SATB2: variants seen among roughly 807,000 people sequenced by gnomAD.
The protein encoded by SATB2 is SATB homeobox 2, also known as DNA-binding protein SATB2.
In SATB2, 1 loss-of-function variant was observed where a neutral mutation model predicts 73.4. The observed-to-expected ratio is 0.01, with a 90% CI of 0.00 to 0.06. The LOEUF is 0.06. Ranked by LOEUF, SATB2 falls within the 10% of genes least tolerant of loss-of-function variation. SATB2 has a pLI of 1.00. For missense variants in SATB2, 459 were observed against 945.8 expected, an observed-to-expected ratio of 0.49 and a Z score of 6.75; for synonymous variants, 397 against 367.0, an observed-to-expected ratio of 1.08 and a Z score of -0.93.
intron 10 of SATB2, among the ~76,000 whole-genome samples, chr2:199,307,107 A>G (rs774577583): frequency 2.0e-5 from 3 of 152,116 alleles, no homozygotes; most frequent in Non-Finnish European, 4.4e-5. Flanking sequence ...ATGAGAAAAA[A>G]AAAAGCAGTG....
Position 199,269,993 on chromosome 2 carries a change from A to G in SATB2, c.*2218T>C, listed in dbSNP as rs1260232643. 2 of 152,752 alleles carry G rather than the reference A, an allele frequency of 1.3e-5. No individual in the cohort carries two copies. Among genetic ancestry groups the G allele is most frequent in the Non-Finnish European group, 2.9e-5 (2 of 68,034 alleles). The allele number at this position is 152,752 out of a possible 1,614,324, so 9.5% of individuals were successfully genotyped here. On this transcript the variant is annotated 3_prime_UTR_variant, in exon 11 of 11. Transcript: ENST00000417098. ...TGCGGATGCCATCGATAGATGAACC[A>G]CCTTGTAAGAGCTTGGCAAAATCAG...
At chr2:199,361,126 T>C (rs1689124406) in intron 6 of SATB2, among the ~76,000 whole-genome samples, 1 of 152,136 alleles carries the variant, frequency 6.6e-6, no homozygotes, top group Non-Finnish European at 1.5e-5. Flanking sequence ...AAAAATTTAT[T>C]CTCCATCCTG....
At chr2:199,447,102 A>C (rs1406491055) in intron 2 of SATB2, among the ~76,000 whole-genome samples, 2 of 152,110 alleles carry the variant, frequency 1.3e-5, no homozygotes, top group East Asian at 3.9e-4. Context: ...GGTGAACTCC[A>C]CCGTCACCAC....
chr2:199,381,410 G>C (rs1310300775), intron 4 of SATB2, among the ~76,000 whole-genome samples: 1 of 152,156 alleles, frequency 6.6e-6, no homozygotes, highest in African/African-American at 2.4e-5. Context: ...GCTGTGTAAA[G>C]CTACTCCTAA....
At chr2:199,283,506 C>T (rs1692594165) in intron 10 of SATB2, among the ~76,000 whole-genome samples, 1 of 150,092 alleles carries the variant, frequency 6.7e-6, no homozygotes, top group South Asian at 2.1e-4. Context: ...CATTTCCCAC[C>T]AGTGCTTTTG....
Position 199,328,145 on chromosome 2 carries a change from C to T in SATB2, c.1386+553G>A, listed in dbSNP as rs1206511239. 3.3e-5 allele frequency among the ~76,000 whole-genome samples: 5 copies of T among 152,266 alleles called. No individual in the cohort carries two copies. In the East Asian group the frequency reaches 5.8e-4, roughly 18 times the overall value. The stretch of plus-strand genomic sequence containing the variant: ...CTACCTTCCTACCCCTCACCTACCA[C>T]GTATGGAAGAATGGGACTTCCTAAA... On this transcript the variant is annotated intron_variant, in intron 8 of 10. Transcript: ENST00000417098.
chr2:199,317,372 A>C (rs2105780873), intron 9 of SATB2, among the ~76,000 whole-genome samples: 1 of 152,110 alleles, frequency 6.6e-6, no homozygotes, highest in South Asian at 2.1e-4. Flanking sequence ...CCTCTTCCCT[A>C]ACCAGCTGGG....
Position 199,308,249 on chromosome 2 carries a change from T to G in SATB2, c.1740+511A>C, listed in dbSNP as rs1001831733. ...AACCAAAGACAGCAAAAACTCATCT[T>G]AAAATTCTAAGAATCTGTCACAATC... is the stretch of plus-strand genomic sequence containing the variant. On this transcript the variant is annotated intron_variant, in intron 10 of 10. Coordinates refer to ENST00000417098, the MANE Select transcript of SATB2 (RefSeq NM_001172509.2). This position sits in a 1 kb window ranked among gnomAD's most constrained non-coding sequence, Gnocchi z 4.6. 6.6e-6 allele frequency among the ~76,000 whole-genome samples: 1 copy of G among 152,172 alleles called. No individual in the cohort carries two copies. The highest frequency in any genetic ancestry group is 1.5e-5 in the Non-Finnish European group (1 of 68,036).
intron 10 of SATB2, among the ~76,000 whole-genome samples, chr2:199,280,780 C>G (rs941365440): frequency 1.3e-5 from 2 of 152,064 alleles, no homozygotes; most frequent in Non-Finnish European, 2.9e-5. Context: ...AATGCGTGCC[C>G]AAAACTTCAT....
At chr2:199,390,989 G>A (rs780322625) in intron 3 of SATB2, among the ~76,000 whole-genome samples, 17 of 152,110 alleles carry the variant, frequency 1.1e-4, no homozygotes, top group East Asian at 1.9e-4. Context: ...GAAGGCAAAC[G>A]TATATTCATT....
In SATB2 at chr2:199,401,277, G is replaced by A. The variant is rs534028149; in HGVS notation, c.347-19457C>T. On this transcript the variant is annotated intron_variant, in intron 3 of 10. Transcript: ENST00000417098. ...AAATAATAGGATGAGGCTGGGAACG[G>A]TGGCTCACACCTGTAATACCAGCAC... 1.6e-4 allele frequency among the ~76,000 whole-genome samples: 24 copies of A among 152,216 alleles called. No individual in the cohort carries two copies. The East Asian group carries it at 4.4e-3, about 28-fold the overall frequency.
chr2:199,351,267 T>G (rs1688811424), intron 6 of SATB2, among the ~76,000 whole-genome samples: 1 of 151,792 alleles, frequency 6.6e-6, no homozygotes, highest in Non-Finnish European at 1.5e-5. Flanking sequence ...GTTCAAGTGA[T>G]TCTCCTGTCT....
chr2:199,372,212 C>T (rs1689470440), intron 5 of SATB2, among the ~76,000 whole-genome samples: 2 of 152,000 alleles, frequency 1.3e-5, no homozygotes, highest in South Asian at 2.1e-4. Flanking sequence ...GTATAGGTGT[C>T]CTTATTTGTA....
chr2:199,393,520 C>A (rs1002232175), intron 3 of SATB2, among the ~76,000 whole-genome samples: 1 of 152,142 alleles, frequency 6.6e-6, no homozygotes, highest in East Asian at 1.9e-4. Flanking sequence ...TCAACCAAAT[C>A]TTGTGGAATC....
intron 3 of SATB2, among the ~76,000 whole-genome samples, chr2:199,383,804 C>A (rs1049391853): frequency 6.6e-6 from 1 of 152,148 alleles, no homozygotes; most frequent in Non-Finnish European, 1.5e-5. Context: ...TAAGAATACA[C>A]CACACTACAG....
At position 199,269,800 on chromosome 2, in the gene SATB2, CAT is replaced by C. The variant is rs1389785570; in HGVS notation, c.*2409_*2410del. On this transcript the variant is annotated 3_prime_UTR_variant, in exon 11 of 11. Coordinates refer to ENST00000417098, the MANE Select transcript of SATB2 (RefSeq NM_001172509.2). Reference sequence around the variant, plus strand: ...ATATGACAGATATTGAATAAATAGACATATATGCATTGTAATTCGCAAAGATC... The same window carrying C: ...ATATGACAGATATTGAATAAATAGACATATGCATTGTAATTCGCAAAGATC... The C allele has an allele frequency of 2.6e-5, 4 of 151,592 alleles. No individual in the cohort carries two copies. The highest frequency in any genetic ancestry group is 7.3e-5 in the African/African-American group (3 of 41,082). 9.4% of individuals were successfully genotyped at this position (151,592 alleles called of 1,614,324 possible).
chr2:199,300,212 G>T (rs1687240738), intron 10 of SATB2, among the ~76,000 whole-genome samples: 1 of 151,818 alleles, frequency 6.6e-6, no homozygotes, highest in Non-Finnish European at 1.5e-5. Context: ...AAGGAAGGAA[G>T]CGGAAGGGGA....
chr2:199,410,538 G>A (rs750447740), intron 3 of SATB2, among the ~76,000 whole-genome samples: 11 of 152,084 alleles, frequency 7.2e-5, no homozygotes, highest in Admixed American at 1.3e-4. Context: ...TTGCTTCTTC[G>A]CAAAAAATTG....
intron 10 of SATB2, among the ~76,000 whole-genome samples, chr2:199,275,848 A>G (rs1350662396): frequency 6.6e-6 from 1 of 152,202 alleles, no homozygotes; most frequent in Non-Finnish European, 1.5e-5. Flanking sequence ...CTCTAAAGTG[A>G]AACTGTCTTA....
Sources: allele counts gnomAD v4.1 joint callset (sites outside exome capture counted in the v4.1 genomes callset), GRCh38; gene constraint gnomAD v4.1.1; non-coding constraint Gnocchi (gnomAD v3.1); transcripts MANE v1.5; gene names NCBI Gene and HGNC (gene_info 2026-07-23, HGNC 2026-07-21).